Variants in DYNC1I2 observed in about 807,000 individuals in gnomAD.
DYNC1I2 encodes cytoplasmic dynein 1 intermediate chain 2.
DYNC1I2 carries 53 observed loss-of-function variants against 88.6 expected under a neutral mutation model. The ratio of observed to expected loss-of-function variants is 0.60; its 90% CI spans 0.48 to 0.75. The LOEUF (loss-of-function observed/expected upper bound fraction) is 0.75. Among genes scored for constraint, DYNC1I2 ranks in the 30% least tolerant of loss-of-function variants. DYNC1I2 has a pLI of 0.00. For synonymous variants in DYNC1I2, 198 were observed against 254.6 expected, an observed-to-expected ratio of 0.78 and a Z score of 2.12; for missense variants, 458 against 766.6, an observed-to-expected ratio of 0.60 and a Z score of 4.75.
intron 4 of DYNC1I2, 136 bp from the exon 5 acceptor site, chr2:171,707,151 A>G: frequency 8.1e-7 from 1 of 1,241,696 alleles, no homozygotes; most frequent in Non-Finnish European, 1.1e-6. Flanking sequence ...ATTTTCATTC[A>G]TATATTTTTG....
At chr2:171,719,290 A>G (rs1346913544) in intron 7 of DYNC1I2, among the ~76,000 whole-genome samples, 3 of 152,186 alleles carry the variant, frequency 2.0e-5, no homozygotes, top group Non-Finnish European at 4.4e-5. Context: ...TTTGTTTTCT[A>G]TATCATTACA....
intron 2 of DYNC1I2, among the ~76,000 whole-genome samples, chr2:171,691,254 C>T (rs144590602): frequency 6.6e-6 from 1 of 152,280 alleles, no homozygotes; most frequent in Non-Finnish European, 1.5e-5. Flanking sequence ...ACATTATATA[C>T]AGCAAATGTA....
At chr2:171,734,741 T>C (rs1390931009) in intron 15 of DYNC1I2, among the ~76,000 whole-genome samples, 1 of 152,214 alleles carries the variant, frequency 6.6e-6, no homozygotes, top group African/African-American at 2.4e-5. Flanking sequence ...GTGAATACTT[T>C]TATATTTGGC....
chr2:171,715,919 G>T (rs1687457524), intron 7 of DYNC1I2, among the ~76,000 whole-genome samples: 1 of 152,044 alleles, frequency 6.6e-6, no homozygotes, highest in Non-Finnish European at 1.5e-5. Flanking sequence ...TCTCTTTTAT[G>T]ATATAGGGGC....
At chr2:171,709,504 T>C (rs1686942430) in intron 5 of DYNC1I2, among the ~76,000 whole-genome samples, 1 of 152,254 alleles carries the variant, frequency 6.6e-6, no homozygotes, top group Admixed American at 6.5e-5. Context: ...ACATCATTAA[T>C]TTAAAGATAC....
intron 17 of DYNC1I2, among the ~76,000 whole-genome samples, 160 bp downstream of exon 17, chr2:171,746,087 C>T (rs1229526857): frequency 6.6e-6 from 1 of 152,152 alleles, no homozygotes; most frequent in African/African-American, 2.4e-5. Context: ...GCTCTTGAAA[C>T]ATTTTCTTTC....
In DYNC1I2 at chr2:171,699,322, G is replaced by T. The variant is rs544263307; in HGVS notation, c.226+6428G>T. ...ACTCCGTCTCAAAAAAAAAGAAAAGGAAAAGATTAGCTAATATTTTATTGA... is the reference window on the plus strand; with the variant it reads ...ACTCCGTCTCAAAAAAAAAGAAAAGTAAAAGATTAGCTAATATTTTATTGA... On this transcript the variant is annotated intron_variant, in intron 3 of 17. Coordinates refer to ENST00000397119, the MANE Select transcript of DYNC1I2 (RefSeq NM_001378.3). Among the ~76,000 whole-genome samples, 3 of 152,066 alleles carry T rather than the reference G, an allele frequency of 2.0e-5. No individual in the cohort carries two copies. The South Asian group carries it at 6.2e-4, about 32-fold the overall frequency.
At chr2:171,708,404 T>C (rs1349706339) in intron 5 of DYNC1I2, among the ~76,000 whole-genome samples, 1 of 152,170 alleles carries the variant, frequency 6.6e-6, no homozygotes, top group Non-Finnish European at 1.5e-5. Flanking sequence ...AATCAGGTTA[T>C]CATTAACAAT....
chr2:171,727,910 C>T lies in DYNC1I2; in HGVS notation c.1086C>T (p.Asn362=). The stretch of plus-strand genomic sequence containing the variant: ...CAGGCCAAATTGTGCTTTGGGATAA[C>T]CGTAGCAATAAAAGAACTCCAGTGC... ...TYSGQIVLWD[N]RSNKRTPVQR... The change falls in exon 12 of 18, where the codon AAC becomes AAT. Residue 362 remains asparagine, a synonymous_variant. Coordinates refer to ENST00000397119, the MANE Select transcript of DYNC1I2 (RefSeq NM_001378.3). 2 of 1,613,226 alleles carry T rather than the reference C, an allele frequency of 1.2e-6. No homozygotes were observed. Among genetic ancestry groups the T allele is most frequent in the Non-Finnish European group, 1.7e-6 (2 of 1,179,410 alleles).
intron 15 of DYNC1I2, among the ~76,000 whole-genome samples, chr2:171,731,479 T>C (rs1171206387): frequency 2.0e-5 from 3 of 152,130 alleles, no homozygotes; most frequent in Non-Finnish European, 4.4e-5. Flanking sequence ...TTGGCCGGGC[T>C]CAGTGGCTCA....
At chr2:171,733,175 A>C (rs1282004224) in intron 15 of DYNC1I2, among the ~76,000 whole-genome samples, 1 of 152,184 alleles carries the variant, frequency 6.6e-6, no homozygotes, top group Non-Finnish European at 1.5e-5. Flanking sequence ...ACATGATCTC[A>C]TTCCTTCTTA....
At chr2:171,688,066 A>AGGC (rs1225355435) in intron 1 of DYNC1I2, 12 of 152,214 alleles carry the variant, frequency 7.9e-5, no homozygotes, top group Non-Finnish European at 1.8e-4. Context: ...GACCCTCCAG[A>AGGC]GGCGGCCTGG....
At chr2:171,722,775 T>A (rs999280228) in intron 7 of DYNC1I2, among the ~76,000 whole-genome samples, 2 of 152,180 alleles carry the variant, frequency 1.3e-5, no homozygotes, top group Non-Finnish European at 2.9e-5. Context: ...CATTTTACAG[T>A]TTTTAAGAAC....
intron 3 of DYNC1I2, among the ~76,000 whole-genome samples, chr2:171,694,338 A>G (rs1416603440): frequency 6.6e-6 from 1 of 152,120 alleles, no homozygotes. Context: ...TTGTGTTGCT[A>G]TAAAGAAATA....
At chr2:171,689,618 GC>G (rs1433935376) in intron 1 of DYNC1I2, among the ~76,000 whole-genome samples, 2 of 152,120 alleles carry the variant, frequency 1.3e-5, no homozygotes, top group Middle Eastern at 3.4e-3. Context: ...CTTACTATGG[GC>G]TAGCTACTAT....
chr2:171,728,651 A>G, intron 13 of DYNC1I2, 66 bp from the exon 14 acceptor site: 1 of 1,340,636 alleles, frequency 7.5e-7, no homozygotes, highest in Non-Finnish European at 1.0e-6. Context: ...CAAAGACTAG[A>G]AGTTTTTCTA....
intron 3 of DYNC1I2, among the ~76,000 whole-genome samples, chr2:171,702,149 C>G (rs1346959652): frequency 6.6e-6 from 1 of 152,204 alleles, no homozygotes; most frequent in Non-Finnish European, 1.5e-5. Flanking sequence ...CTCCAAATAG[C>G]TATGAACAAA....
chr2:171,728,441 A>G (rs1688388656), intron 13 of DYNC1I2, 23 bp downstream of exon 13: 1 of 1,421,476 alleles, frequency 7.0e-7, no homozygotes, highest in Middle Eastern at 1.8e-4. Flanking sequence ...TGGGAAACTG[A>G]AATTTTGAGG....
intron 17 of DYNC1I2, among the ~76,000 whole-genome samples, chr2:171,747,138 G>A (rs912363906): frequency 6.7e-6 from 1 of 149,862 alleles, no homozygotes; most frequent in Middle Eastern, 3.3e-3. Context: ...AGGTTACAGT[G>A]AGCCAAGATA....
Sources: allele counts gnomAD v4.1 joint callset (sites outside exome capture counted in the v4.1 genomes callset), GRCh38; gene constraint gnomAD v4.1.1; transcripts MANE v1.5; gene names NCBI Gene and HGNC (gene_info 2026-07-23, HGNC 2026-07-21).